The following FYB1 variants were observed in gnomAD, a reference collection of about 807,000 sequenced individuals.
FYB1 encodes FYN binding protein 1, also known as FYN-binding protein 1.
FYB1 carries 41 observed loss-of-function variants against 94.1 expected under a neutral mutation model. The ratio of observed to expected loss-of-function variants is 0.44; its 90% CI spans 0.34 to 0.57. The LOEUF is 0.57. Ranked by LOEUF, FYB1 falls within the 20% of genes least tolerant of loss-of-function variation. The pLI, the probability that FYB1 is intolerant of heterozygous loss-of-function variation, is 0.02. For missense variants in FYB1, 1,050 were observed against 976.8 expected (o/e 1.07, Z -1.00); for synonymous variants, 367 against 353.2 (o/e 1.04, Z -0.44).
intron 2 of FYB1, among the ~76,000 whole-genome samples, chr5:39,195,298 A>G (rs1747732152): frequency 6.6e-6 from 1 of 152,258 alleles, no homozygotes; most frequent in South Asian, 2.1e-4. Flanking sequence ...GCTAGGAGCA[A>G]CAATTTGGAA....
chr5:39,183,897 G>A lies in FYB1; in HGVS notation c.1135+17929C>T, dbSNP rs370427682. ...GGGCAGGAATCTTCATTTTTAAAAA[G>A]CATCTAAGCTCATTCTGGTATAGAT... On this transcript the variant is annotated intron_variant, in intron 2 of 18. Coordinates refer to ENST00000512982, the MANE Select transcript of FYB1 (RefSeq NM_001465.6). 8.5e-4 allele frequency among the ~76,000 whole-genome samples: 129 copies of A among 152,234 alleles called. 1 individual carries two copies. The South Asian group carries it at 0.01, about 12-fold the overall frequency.
intron 3 of FYB1, among the ~76,000 whole-genome samples, chr5:39,148,594 T>C (rs1742982553): frequency 1.3e-5 from 2 of 151,842 alleles, no homozygotes; most frequent in African/African-American, 4.8e-5. Context: ...GAGAAGACTA[T>C]CTGGCAGCTG....
intron 9 of FYB1, among the ~76,000 whole-genome samples, chr5:39,133,606 A>G (rs74631471): frequency 0.012 from 1,755 of 152,262 alleles, 12 homozygotes; most frequent in Non-Finnish European, 0.02. Context: ...TTGGTCCTCC[A>G]GAAAGGATGT....
chr5:39,231,175 A>AAC (rs1750729079), intron 1 of FYB1, among the ~76,000 whole-genome samples: 1 of 137,206 alleles, frequency 7.3e-6, no homozygotes, highest in African/African-American at 3.5e-5. Flanking sequence ...AAAAAAACAA[A>AAC]AAAAACAAAA....
chr5:39,229,808 A>G (rs566068004), intron 1 of FYB1, among the ~76,000 whole-genome samples: 13 of 152,326 alleles, frequency 8.5e-5, no homozygotes, highest in African/African-American at 2.9e-4. Context: ...ATAATAGTCC[A>G]GATCCACTTC....
chr5:39,249,650 T>C (rs536528282), intron 1 of FYB1, among the ~76,000 whole-genome samples: 1 of 152,276 alleles, frequency 6.6e-6, no homozygotes, highest in Non-Finnish European at 1.5e-5. Flanking sequence ...AAAAAGCCTA[T>C]TGAACATAGT....
intron 2 of FYB1, among the ~76,000 whole-genome samples, chr5:39,158,713 C>T (rs1465193514): frequency 6.6e-6 from 1 of 152,016 alleles, no homozygotes; most frequent in African/African-American, 2.4e-5. Context: ...TAAGAAGGTA[C>T]CTAAAGTCTT....
At chr5:39,273,023 G>C (rs1158425391) in intron 1 of FYB1, among the ~76,000 whole-genome samples, 2 of 152,180 alleles carry the variant, frequency 1.3e-5, no homozygotes, top group Non-Finnish European at 2.9e-5. Flanking sequence ...GGAGGGAGGT[G>C]GGGGGCGCCT....
intron 1 of FYB1, among the ~76,000 whole-genome samples, chr5:39,254,058 G>A (rs545003411): frequency 6.6e-6 from 1 of 152,288 alleles, no homozygotes; most frequent in Non-Finnish European, 1.5e-5. Context: ...TAGTTCTATG[G>A]TGTATATGTA....
At chr5:39,142,073 T>C (rs889799447) in intron 3 of FYB1, among the ~76,000 whole-genome samples, 2 of 152,312 alleles carry the variant, frequency 1.3e-5, no homozygotes, top group East Asian at 3.9e-4. Context: ...TTATATTTTC[T>C]ATTCCTATTC....
At chr5:39,179,548 CTTTT>C (rs11405241) in intron 2 of FYB1, among the ~76,000 whole-genome samples, 1 of 139,620 alleles carries the variant, frequency 7.2e-6, no homozygotes, top group African/African-American at 2.6e-5. Flanking sequence ...CTTCTTTTTT[CTTTT>C]TTTTTTTTTT....
chr5:39,219,677 T>C (rs1750143602), upstream of FYB1: 1 of 812,080 alleles, frequency 1.2e-6, no homozygotes, highest in Non-Finnish European at 1.5e-6. Flanking sequence ...GCCCTCAGGA[T>C]ATTGAGTAAT....
At chr5:39,179,537 T>C (rs1009596897) in intron 2 of FYB1, among the ~76,000 whole-genome samples, 1 of 139,692 alleles carries the variant, frequency 7.2e-6, no homozygotes. Context: ...TCCAAGCTTT[T>C]CTTCTTTTTT....
At chr5:39,148,113 C>T (rs2150347860) in intron 3 of FYB1, among the ~76,000 whole-genome samples, 1 of 140,870 alleles carries the variant, frequency 7.1e-6, no homozygotes, top group South Asian at 2.3e-4. Context: ...CAATTCTTCC[C>T]TTTCTCCACC....
intron 1 of FYB1, among the ~76,000 whole-genome samples, chr5:39,209,177 T>G (rs1214572351): frequency 6.6e-6 from 1 of 152,110 alleles, no homozygotes; most frequent in East Asian, 1.9e-4. Context: ...AGAAATTACC[T>G]CAAAACTACT....
intron 1 of FYB1, among the ~76,000 whole-genome samples, chr5:39,273,929 T>A (rs1326671732): frequency 6.6e-6 from 1 of 152,132 alleles, no homozygotes; most frequent in African/African-American, 2.4e-5. Context: ...ATTATGCTTT[T>A]TTTTTTTCTT....
intron 16 of FYB1, 45 bp downstream of exon 16, chr5:39,118,829 G>A (rs747418992): frequency 8.3e-7 from 1 of 1,207,426 alleles, no homozygotes; most frequent in East Asian, 2.8e-5. Flanking sequence ...TTAAATTCTG[G>A]AGTGACATAT....
chr5:39,108,807 A>G (rs1244087042), intron 17 of FYB1, among the ~76,000 whole-genome samples: 1 of 152,088 alleles, frequency 6.6e-6, no homozygotes, highest in African/African-American at 2.4e-5. Context: ...TGTAATTTTA[A>G]AACTATTACT....
chr5:39,136,714 A>G (rs1209836755), intron 7 of FYB1, among the ~76,000 whole-genome samples: 4 of 152,186 alleles, frequency 2.6e-5, no homozygotes, highest in African/African-American at 9.7e-5. Flanking sequence ...ACTTGATGCT[A>G]TACATTTTCC....
Sources: gnomAD v4.1 joint callset for allele counts (sites outside exome capture counted in the v4.1 genomes callset) on GRCh38, gnomAD v4.1.1 for gene constraint, MANE v1.5 for transcripts, NCBI Gene and HGNC (gene_info 2026-07-23, HGNC 2026-07-21) for gene names.